Variants in CLSPN observed in about 807,000 individuals in gnomAD.
The protein encoded by CLSPN is claspin, also known as claspin homolog.
In CLSPN, 85 loss-of-function variants were observed where a neutral mutation model predicts 156.3. The observed-to-expected ratio is 0.54, with a 90% CI of 0.46 to 0.65. CLSPN has a LOEUF of 0.65. Ranked by LOEUF, CLSPN falls within the 30% of genes least tolerant of loss-of-function variation. CLSPN has a pLI of 0.00. For synonymous variants in CLSPN, 534 were observed against 542.4 expected (o/e 0.98, Z 0.22); for missense variants, 1,407 against 1,554.9 (o/e 0.90, Z 1.60).
Position 35,738,600 on chromosome 1 carries a change from G to A in CLSPN, c.3431-18C>T. The stretch of plus-strand genomic sequence containing the variant: ...AGCATCATCTAAACAAAGAGTGAAG[G>A]TAATCAGCATTCGGCAGTCCTCACA... On this transcript the variant is annotated intron_variant, in intron 20 of 24. Transcript: ENST00000318121. The A allele has an allele frequency of 6.2e-7, 1 of 1,613,320 alleles. No homozygotes were observed. The highest frequency in any genetic ancestry group is 8.5e-7 in the Non-Finnish European group (1 of 1,179,670).
intron 8 of CLSPN, among the ~76,000 whole-genome samples, chr1:35,759,324 T>C (rs981754391): frequency 3.9e-5 from 6 of 152,236 alleles, no homozygotes; most frequent in African/African-American, 7.2e-5. Context: ...TAACTATTCA[T>C]TGGAAGAAAT....
At chr1:35,759,772 C>A (rs1437571657) in intron 8 of CLSPN, among the ~76,000 whole-genome samples, 1 of 151,734 alleles carries the variant, frequency 6.6e-6, no homozygotes, top group Non-Finnish European at 1.5e-5. Context: ...ATAATAAATT[C>A]CTAAATACCA....
At chr1:35,764,160 A>G (rs1055121233) in intron 3 of CLSPN, 106 bp downstream of exon 3, 21 of 704,060 alleles carry the variant, frequency 3.0e-5, no homozygotes, top group Admixed American at 6.1e-5. Flanking sequence ...AAAATAGTCA[A>G]TTCAAAGCAA....
intron 24 of CLSPN, among the ~76,000 whole-genome samples, chr1:35,722,126 A>G (rs192173221): frequency 0.01 from 1,592 of 151,766 alleles, 26 homozygotes; most frequent in African/African-American, 0.036. Flanking sequence ...GCGATAGAGT[A>G]AGACCCTGTC....
intron 24 of CLSPN, among the ~76,000 whole-genome samples, chr1:35,726,152 C>CAAAA (rs3041363): frequency 0.079 from 3,788 of 48,022 alleles, 658 homozygotes; most frequent in African/African-American, 0.18. Flanking sequence ...CAGATGCAGA[C>CAAAA]AAAAAAAAAA....
chr1:35,755,640 G>A (rs1221522553), intron 8 of CLSPN, among the ~76,000 whole-genome samples: 1 of 151,888 alleles, frequency 6.6e-6, no homozygotes, highest in East Asian at 1.9e-4. Context: ...CTCCTGGACT[G>A]AAATGATCCA....
chr1:35,726,152 C>CAAAAAAAAA (rs3041363), intron 24 of CLSPN, among the ~76,000 whole-genome samples: 20,163 of 48,108 alleles, frequency 0.42, 8,467 homozygotes, highest in Non-Finnish European at 0.6. Flanking sequence ...CAGATGCAGA[C>CAAAAAAAAA]AAAAAAAAAA....
rs1642615720 is a variant in CLSPN, at chr1:35,764,834, T to G, written c.134-120A>C. On this transcript the variant is annotated intron_variant, in intron 2 of 24. Transcript: ENST00000318121. ...TAACATTGTGAAATTACGTGACTAC[T>G]GTTAAGAACTGATTGTAGCAAAGCA... is the stretch of plus-strand genomic sequence containing the variant. 9.9e-6 allele frequency: 6 copies of G among 607,802 alleles called. No individual in the cohort carries two copies. In the Admixed American group the frequency reaches 1.1e-4, roughly 11 times the overall value. The allele number at this position is 607,802 out of a possible 1,614,324, so 37.7% of individuals were successfully genotyped here.
chr1:35,755,336 G>A (rs1375297955), intron 8 of CLSPN, among the ~76,000 whole-genome samples: 2 of 150,384 alleles, frequency 1.3e-5, no homozygotes, highest in Non-Finnish European at 1.5e-5. Flanking sequence ...GCATGATCTC[G>A]GCTCACTGTA....
rs760508553 is a variant in CLSPN at position 35,765,264 on chromosome 1, A to G, written c.87T>C (p.Asp29=). The change falls in exon 2 of 25, where the codon GAT becomes GAC. Residue 29 remains aspartate (D), a synonymous_variant. Transcript: ENST00000318121. The part of the protein sequence containing the change: ...ISQEEADSPS[D]SGQGSYETIG... ...TTGTTTCATAGCTGCCCTGTCCACTATCTGAAGGACTATCTGCTTCCTCTT... is the reference window on the plus strand; with the variant it reads ...TTGTTTCATAGCTGCCCTGTCCACTGTCTGAAGGACTATCTGCTTCCTCTT... 1.2e-6 allele frequency: 2 copies of G among 1,613,882 alleles called. No individual in the cohort carries two copies. The highest frequency in any genetic ancestry group is 1.7e-6 in the Non-Finnish European group (2 of 1,179,958).
chr1:35,725,612 A>AT (rs1641164393), intron 24 of CLSPN, among the ~76,000 whole-genome samples: 1 of 151,744 alleles, frequency 6.6e-6, no homozygotes, highest in Non-Finnish European at 1.5e-5. Context: ...TCAAGGCCTG[A>AT]CAGTTCCTTT....
In CLSPN at chr1:35,734,398, G is replaced by A. The variant is rs993077200; in HGVS notation, c.*2098C>T. 4 of 985,114 alleles carry A rather than the reference G, an allele frequency of 4.1e-6. No homozygotes were observed. Among genetic ancestry groups the A allele is most frequent in the South Asian group, 4.7e-5 (1 of 21,276 alleles). The allele number at this position is 985,114 out of a possible 1,614,324, so 61.0% of individuals were successfully genotyped here. A position where few individuals can be genotyped will look rare whatever the true frequency, so the allele number is the denominator to read the frequency against. On this transcript the variant is annotated 3_prime_UTR_variant, in exon 25 of 25. Transcript: ENST00000318121. ...GAGTATTAGAAAACTGTAGAAAACC[G>A]GCCGGGTGCGGTGGCTCATGCCTAT...
Position 35,747,916 on chromosome 1 carries a change from T to A in CLSPN, c.2618A>T (p.Asp873Val), listed in dbSNP as rs763958507. ...ACACAAAACTACCTACCCATCTGCATCCAACAGTTGGCTCTGAGTGTCATC... is the reference window on the plus strand; with the variant it reads ...ACACAAAACTACCTACCCATCTGCAACCAACAGTTGGCTCTGAGTGTCATC... The part of the protein sequence containing the change: ...LEDDTQSQLL[D>V]ADGFLNVRNH... Residue 873 changes from aspartate (D) to valine (V), a missense_variant, in exon 14 of 25, where the codon GAT (aspartate) becomes GTT (valine). Asp to Val is a radical substitution (Grantham distance 152). Transcript: ENST00000318121. 6.2e-7 allele frequency: 1 copy of A among 1,613,668 alleles called. No homozygotes were observed. The highest frequency in any genetic ancestry group is 8.5e-7 in the Non-Finnish European group (1 of 1,179,876).
In CLSPN at chr1:35,737,001, G is replaced by A. The variant is rs893860346; in HGVS notation, c.3822C>T (p.Pro1274=). 5.6e-6 allele frequency: 9 copies of A among 1,613,960 alleles called. No individual in the cohort carries two copies. The highest frequency in any genetic ancestry group is 2.2e-5 in the East Asian group (1 of 44,896). ...QKLAALSDHN[P]SAPRNSRNFV... Reference sequence around the variant, plus strand: ...AGTTTCTTGAATTTCGAGGAGCACTGGGGTTATGGTCAGAGAGAGCAGCCA... The same window carrying A: ...AGTTTCTTGAATTTCGAGGAGCACTAGGGTTATGGTCAGAGAGAGCAGCCA... The change falls in exon 24 of 25, where the codon CCC becomes CCT. Residue 1274 remains proline, a synonymous_variant. Coordinates refer to ENST00000318121, the MANE Select transcript of CLSPN (RefSeq NM_022111.4).
At position 35,732,992 on chromosome 1, in the gene CLSPN, T is replaced by C. The variant is rs1641353927; in HGVS notation, c.*3504A>G. 1 of 966,666 alleles carries C rather than the reference T, an allele frequency of 1.0e-6. No homozygotes were observed. The highest frequency in any genetic ancestry group is 1.8e-5 in the African/African-American group (1 of 56,202). The allele number at this position is 966,666 out of a possible 1,614,324, so 59.9% of individuals were successfully genotyped here. On this transcript the variant is annotated 3_prime_UTR_variant, in exon 25 of 25. Coordinates refer to ENST00000318121, the MANE Select transcript of CLSPN (RefSeq NM_022111.4). Reference sequence around the variant, plus strand: ...CTTTCTTTTTTTTTTTGAGAGGGAGTCTCACTCTGTCGCCCATGCTGGAGA... The same window carrying C: ...CTTTCTTTTTTTTTTTGAGAGGGAGCCTCACTCTGTCGCCCATGCTGGAGA...
chr1:35,730,688 C>T (rs1297333319), downstream of CLSPN, among the ~76,000 whole-genome samples: 1 of 149,604 alleles, frequency 6.7e-6, no homozygotes, highest in Admixed American at 6.6e-5. Flanking sequence ...CTAACACCTT[C>T]CCCGTCTCTA....
chr1:35,720,872 G>A, exon 25 of CLSPN: 2 of 1,582,134 alleles, frequency 1.3e-6, no homozygotes, highest in South Asian at 2.2e-5. Context: ...GCCTCTCTTT[G>A]GACTCTGTCT....
At chr1:35,731,713 G>A (rs1338992489), downstream of CLSPN, among the ~76,000 whole-genome samples, 1 of 152,082 alleles carries the variant, frequency 6.6e-6, no homozygotes, top group African/African-American at 2.4e-5. Flanking sequence ...AACAGAACTT[G>A]GAAATTGTCT....
Position 35,739,393 on chromosome 1 carries a change from G to A in CLSPN, c.3280C>T (p.Leu1094=). The A allele has an allele frequency of 6.2e-7, 1 of 1,614,096 alleles. No individual in the cohort carries two copies. Among genetic ancestry groups the A allele is most frequent in the South Asian group, 1.1e-5 (1 of 91,056 alleles). Residue 1094 remains leucine (L), a synonymous_variant, in exon 19 of 25, where the codon CTG becomes TTG. Transcript: ENST00000318121. ...IDEVLPSDEE[L]QSQIKKIHMK... ...TGTATTTTCTTGATTTGACTCTGCA[G>A]TTCCTCATCAGAAGGAAGTACTTCA... is the stretch of plus-strand genomic sequence containing the variant.
Sources: allele counts gnomAD v4.1 joint callset (sites outside exome capture counted in the v4.1 genomes callset), GRCh38; gene constraint gnomAD v4.1.1; transcripts MANE v1.5; gene names NCBI Gene and HGNC (gene_info 2026-07-23, HGNC 2026-07-21).